KCNIP1: variants seen among roughly 807,000 people sequenced by gnomAD.
KCNIP1 encodes A-type potassium channel modulatory protein KCNIP1.
Under a neutral mutation model 33.0 loss-of-function variants are expected in KCNIP1, and 18 were observed. The observed-to-expected ratio is 0.55, with a 90% confidence interval of 0.38 to 0.81. The LOEUF (loss-of-function observed/expected upper bound fraction) is 0.81, where lower values mean the gene tolerates loss of function less well. Ranked by LOEUF, KCNIP1 falls within the 30% of genes least tolerant of loss-of-function variation. The pLI is 0.00. For missense variants in KCNIP1, 238 were observed against 271.6 expected (o/e 0.88, Z 0.87); for synonymous variants, 93 against 98.3 (o/e 0.95, Z 0.32).
intron 1 of KCNIP1, among the ~76,000 whole-genome samples, chr5:170,650,741 AT>A (rs1761012485): frequency 6.6e-6 from 1 of 152,196 alleles, no homozygotes; most frequent in Admixed American, 6.5e-5. Context: ...GAAATTGCGA[AT>A]TTAGGATTTT....
chr5:170,712,031 G>A (rs1337963153), intron 1 of KCNIP1, among the ~76,000 whole-genome samples: 1 of 152,200 alleles, frequency 6.6e-6, no homozygotes. Flanking sequence ...AGAGCCTACA[G>A]AGGAAATCCA....
At chr5:170,453,901 TG>T (rs1756313694) in intron 1 of KCNIP1, among the ~76,000 whole-genome samples, 2 of 152,188 alleles carry the variant, frequency 1.3e-5, no homozygotes, top group African/African-American at 2.4e-5. Flanking sequence ...TGAGTAAGGC[TG>T]GAACTAGATT....
chr5:170,467,823 C>G (rs1756639804), intron 1 of KCNIP1, among the ~76,000 whole-genome samples: 1 of 145,994 alleles, frequency 6.8e-6, no homozygotes, highest in African/African-American at 2.6e-5. Context: ...GAGGCTGAGG[C>G]AGGAGAATCG....
chr5:170,534,971 A>C (rs1419554404), intron 1 of KCNIP1, among the ~76,000 whole-genome samples: 1 of 152,000 alleles, frequency 6.6e-6, no homozygotes, highest in Non-Finnish European at 1.5e-5. Flanking sequence ...TGTTTCCTCC[A>C]CAGGCAGTAG....
intron 1 of KCNIP1, chr5:170,377,766 G>T (rs1764067102): frequency 6.6e-6 from 1 of 152,124 alleles, no homozygotes; most frequent in Admixed American, 6.5e-5. Context: ...TAGAGACGGG[G>T]TTTCACCATG....
intron 1 of KCNIP1, among the ~76,000 whole-genome samples, chr5:170,531,164 G>C (rs887084024): frequency 2.0e-5 from 3 of 152,188 alleles, no homozygotes; most frequent in Non-Finnish European, 4.4e-5. Flanking sequence ...AAGAGAATCA[G>C]TTGAGGATGT....
rs571032623 is a variant in KCNIP1, at chr5:170,614,156, G to A, written c.62-104602G>A. Among the ~76,000 whole-genome samples the A allele has an allele frequency of 2.6e-5, 4 of 152,296 alleles. No homozygotes were observed. The South Asian group carries it at 6.2e-4, about 24-fold the overall frequency. On this transcript the variant is annotated intron_variant, in intron 1 of 7. Transcript: ENST00000328939. ...GGAAGGACTGCCTGTCCTGGGAATTGCCCTAATCATCTTCCTAAATATTGC... is the reference window on the plus strand; with the variant it reads ...GGAAGGACTGCCTGTCCTGGGAATTACCCTAATCATCTTCCTAAATATTGC...
chr5:170,732,482 G>A (rs571431514), intron 5 of KCNIP1, among the ~76,000 whole-genome samples: 1 of 152,240 alleles, frequency 6.6e-6, no homozygotes, highest in South Asian at 2.1e-4. Flanking sequence ...TAAAAATTCA[G>A]AATAGTATTT....
intron 1 of KCNIP1, among the ~76,000 whole-genome samples, chr5:170,382,318 G>A (rs1764275441): frequency 6.6e-6 from 1 of 152,200 alleles, no homozygotes; most frequent in African/African-American, 2.4e-5. Flanking sequence ...TATGTCTAGT[G>A]TTGGACCCTA....
chr5:170,444,499 C>A (rs147053404), intron 1 of KCNIP1, among the ~76,000 whole-genome samples: 1 of 152,248 alleles, frequency 6.6e-6, no homozygotes, highest in Non-Finnish European at 1.5e-5. Context: ...CATCCACAAC[C>A]TCTGTGACCC....
intron 1 of KCNIP1, among the ~76,000 whole-genome samples, chr5:170,626,711 G>A (rs189000860): frequency 3.4e-4 from 52 of 152,300 alleles, no homozygotes; most frequent in African/African-American, 1.1e-3. Context: ...GGAGCTGTCC[G>A]GGCCACAGCC....
intron 1 of KCNIP1, among the ~76,000 whole-genome samples, chr5:170,570,282 A>C (rs543309504): frequency 2.0e-5 from 3 of 152,246 alleles, no homozygotes; most frequent in Non-Finnish European, 4.4e-5. Flanking sequence ...TAGCTGCTAT[A>C]GTCTTCTTCT....
Position 170,585,395 on chromosome 5 carries a change from A to G in KCNIP1, c.61+80762A>G, listed in dbSNP as rs573978747. Among the ~76,000 whole-genome samples the G allele has an allele frequency of 3.3e-5, 5 of 152,130 alleles. No individual in the cohort carries two copies. The East Asian group carries it at 9.7e-4, about 29-fold the overall frequency. On this transcript the variant is annotated intron_variant, in intron 1 of 7. Coordinates refer to ENST00000328939, the MANE Select transcript of KCNIP1 (RefSeq NM_014592.4). ...CAGTGGAAGAAATGTGAGCCACAGA[A>G]CTTACCATGTTGCTTGTTGACTTCC... is the stretch of plus-strand genomic sequence containing the variant.
At chr5:170,686,637 C>T (rs747945852) in intron 1 of KCNIP1, among the ~76,000 whole-genome samples, 8 of 152,238 alleles carry the variant, frequency 5.3e-5, no homozygotes, top group Non-Finnish European at 8.8e-5. Context: ...GCCAGCCCCA[C>T]AGCTGACCCC....
chr5:170,412,113 T>C (rs1379992914), intron 1 of KCNIP1, among the ~76,000 whole-genome samples: 1 of 152,210 alleles, frequency 6.6e-6, no homozygotes, highest in African/African-American at 2.4e-5. Flanking sequence ...GGTTGAGAGA[T>C]GAGGCATAAC....
chr5:170,695,187 A>G (rs1009272616), intron 1 of KCNIP1, among the ~76,000 whole-genome samples: 1 of 152,002 alleles, frequency 6.6e-6, no homozygotes, highest in Non-Finnish European at 1.5e-5. Flanking sequence ...CAACATCAGC[A>G]AGTCTGGTGG....
chr5:170,359,959 CA>C (rs1226537785), intron 1 of KCNIP1, among the ~76,000 whole-genome samples: 10 of 152,346 alleles, frequency 6.6e-5, no homozygotes, highest in South Asian at 2.1e-4. Flanking sequence ...CACTGCTGCA[CA>C]GACATCCTAT....
At position 170,663,175 on chromosome 5, in the gene KCNIP1, G is replaced by A. The variant is rs148222598; in HGVS notation, c.62-55583G>A. Among the ~76,000 whole-genome samples, 619 of 152,316 alleles carry A rather than the reference G, an allele frequency of 4.1e-3. 4 individuals are homozygous for A. The highest frequency in any genetic ancestry group is 0.014 in the Middle Eastern group (4 of 294). On this transcript the variant is annotated intron_variant, in intron 1 of 7. Coordinates refer to ENST00000328939, the MANE Select transcript of KCNIP1 (RefSeq NM_014592.4). Reference sequence around the variant, plus strand: ...CAAGGGAATATGTCAGCTCCATTTTGCAGACTGAAACCCGAGTCTCGGAAT... The same window carrying A: ...CAAGGGAATATGTCAGCTCCATTTTACAGACTGAAACCCGAGTCTCGGAAT...
chr5:170,390,448 G>A (rs1023337308), intron 1 of KCNIP1, among the ~76,000 whole-genome samples: 1 of 147,498 alleles, frequency 6.8e-6, no homozygotes, highest in Non-Finnish European at 1.5e-5. Context: ...GGAGGTTGCA[G>A]TGAGTCAAGA....
Sources: allele counts gnomAD v4.1 joint callset (sites outside exome capture counted in the v4.1 genomes callset), GRCh38; gene constraint gnomAD v4.1.1; transcripts MANE v1.5; gene names NCBI Gene and HGNC (gene_info 2026-07-23, HGNC 2026-07-21).